Variants in HEMK2 observed in about 807,000 individuals in gnomAD.
The protein encoded by HEMK2 is methyltransferase HEMK2.
the HEMK2 span, among the ~76,000 whole-genome samples, chr21:28,676,632 G>A: frequency 3.8e-4 from 58 of 152,168 alleles, no homozygotes; most frequent in African/African-American, 1.3e-3. Flanking sequence ...AGAAGTTCGC[G>A]CCTTTGCAGC....
the HEMK2 span, among the ~76,000 whole-genome samples, chr21:28,805,745 CT>C: frequency 6.6e-6 from 1 of 151,962 alleles, no homozygotes; most frequent in Non-Finnish European, 1.5e-5. Context: ...ATCCCTGATT[CT>C]TTCGGCTGGG....
At chr21:28,804,123 C>G in the HEMK2 span, among the ~76,000 whole-genome samples, 4 of 152,166 alleles carry the variant, frequency 2.6e-5, no homozygotes, top group Non-Finnish European at 5.9e-5. Flanking sequence ...TAATCTTGTT[C>G]AATTAACATA....
chr21:28,750,469 C>G, the HEMK2 span, among the ~76,000 whole-genome samples: 1 of 152,044 alleles, frequency 6.6e-6, no homozygotes, highest in Non-Finnish European at 1.5e-5. Context: ...GAGGCCAAGG[C>G]AGGCAGATCG....
At chr21:28,637,016 G>C in the HEMK2 span, among the ~76,000 whole-genome samples, 1 of 152,306 alleles carries the variant, frequency 6.6e-6, no homozygotes, top group Non-Finnish European at 1.5e-5. Context: ...ATGTCTAAAA[G>C]CAAGTGGCAC....
chr21:28,800,104 T>C, the HEMK2 span, among the ~76,000 whole-genome samples: 3 of 152,238 alleles, frequency 2.0e-5, no homozygotes, highest in African/African-American at 7.2e-5. Context: ...AAACTCCTCA[T>C]GGCTGTACCC....
At chr21:28,854,180 T>A in the HEMK2 span, among the ~76,000 whole-genome samples, 2 of 152,314 alleles carry the variant, frequency 1.3e-5, no homozygotes, top group East Asian at 3.9e-4. Flanking sequence ...TCCCCACATA[T>A]GATCAAAGGT....
the HEMK2 span, among the ~76,000 whole-genome samples, chr21:28,630,618 T>C: frequency 4.0e-5 from 6 of 151,822 alleles, no homozygotes; most frequent in African/African-American, 1.5e-4. Flanking sequence ...GATGAGTTCA[T>C]GTCCTTTGTA....
the HEMK2 span, among the ~76,000 whole-genome samples, chr21:28,625,210 T>C: frequency 6.6e-6 from 1 of 152,198 alleles, no homozygotes; most frequent in Non-Finnish European, 1.5e-5. Flanking sequence ...TTTGCAGAGC[T>C]GTCTTGTTTC....
the HEMK2 span, among the ~76,000 whole-genome samples, chr21:28,623,605 C>T: frequency 6.6e-6 from 1 of 152,098 alleles, no homozygotes. Flanking sequence ...CAGTGATGGA[C>T]TGGATAAAGA....
the HEMK2 span, among the ~76,000 whole-genome samples, chr21:28,662,555 T>C: frequency 3.9e-5 from 6 of 152,292 alleles, no homozygotes; most frequent in South Asian, 1.0e-3. Flanking sequence ...TCTTGAATTG[T>C]AGTTCCTATA....
At chr21:28,842,500 T>C in the HEMK2 span, among the ~76,000 whole-genome samples, 1 of 152,268 alleles carries the variant, frequency 6.6e-6, no homozygotes, top group Admixed American at 6.5e-5. Flanking sequence ...TAGTATTTGA[T>C]TGTGCTTTCT....
the HEMK2 span, among the ~76,000 whole-genome samples, chr21:28,730,383 G>C: frequency 8.6e-6 from 1 of 115,832 alleles, no homozygotes; most frequent in African/African-American, 4.3e-5. Flanking sequence ...AACACACACA[G>C]ACACACACAC....
At chr21:28,580,324 A>G in the HEMK2 span, among the ~76,000 whole-genome samples, 5 of 152,236 alleles carry the variant, frequency 3.3e-5, no homozygotes, top group East Asian at 9.7e-4. Context: ...GAGTTGGGCA[A>G]GGGGCAGTTC....
At chr21:28,640,892 A>C in the HEMK2 span, among the ~76,000 whole-genome samples, 11 of 152,218 alleles carry the variant, frequency 7.2e-5, no homozygotes, top group African/African-American at 2.7e-4. Flanking sequence ...GCTATGAAGA[A>C]CAATCACAGT....
At chr21:28,729,845 A>G in the HEMK2 span, among the ~76,000 whole-genome samples, 3 of 152,188 alleles carry the variant, frequency 2.0e-5, no homozygotes, top group Non-Finnish European at 4.4e-5. Context: ...CGAGTGATAA[A>G]CAGCACACCA....
chr21:28,813,080 C>T, the HEMK2 span, among the ~76,000 whole-genome samples: 3 of 152,062 alleles, frequency 2.0e-5, no homozygotes, highest in Admixed American at 2.0e-4. Flanking sequence ...CTATTCAACA[C>T]AGTATTGGAA....
At chr21:28,878,383 A>G in the HEMK2 span, 4 of 1,599,484 alleles carry the variant, frequency 2.5e-6, no homozygotes, top group African/African-American at 5.4e-5. Context: ...TTTGATTTAG[A>G]TCACAAACTG....
the HEMK2 span, among the ~76,000 whole-genome samples, chr21:28,685,817 C>CA: frequency 1.5e-3 from 233 of 151,566 alleles, 4 homozygotes; most frequent in East Asian, 0.033. Flanking sequence ...TAAAAAATTA[C>CA]AAAAAAAACA....
chr21:28,846,685 T>C, the HEMK2 span, among the ~76,000 whole-genome samples: 2 of 152,152 alleles, frequency 1.3e-5, no homozygotes, highest in East Asian at 1.9e-4. Context: ...ATTTGGTATA[T>C]AGGTAAATTG....
Sources: gnomAD v4.1 joint callset for allele counts (sites outside exome capture counted in the v4.1 genomes callset) on GRCh38, gnomAD v4.1.1 for gene constraint, MANE v1.5 for transcripts, NCBI Gene and HGNC (gene_info 2026-07-23, HGNC 2026-07-21) for gene names.